The following ANK3 variants were observed in gnomAD, a reference collection of about 807,000 sequenced individuals.
ANK3 encodes the protein ankyrin 3.
A neutral mutation model predicts 370.9 loss-of-function variants in ANK3; 57 were observed. The ratio of observed to expected loss-of-function variants is 0.15; its 90% confidence interval spans 0.12 to 0.19. ANK3 has a LOEUF of 0.19. Among genes scored for constraint, ANK3 ranks in the 10% least tolerant of loss-of-function variants. The pLI, the probability that ANK3 is intolerant of heterozygous loss-of-function variation, is 1.00. For synonymous variants in ANK3, 1,929 were observed against 1,946.3 expected, an observed-to-expected ratio of 0.99 and a Z score of 0.23; for missense variants, 4,439 against 5,302.1, an observed-to-expected ratio of 0.84 and a Z score of 5.06.
rs576830788 is a variant in ANK3 at position 60,035,242 on chromosome 10, A to G, written c.*20-5416T>C. Among the ~76,000 whole-genome samples, 408 of 151,866 alleles carry G rather than the reference A, an allele frequency of 2.7e-3. 1 individual carries two copies. The highest frequency in any genetic ancestry group is 4.1e-3 in the Non-Finnish European group (280 of 67,930). ...GCTTTGTGGCTCTATTTTCTTATTT[A>G]TTTTTTAATTAATTTAGTTCTTTCC... On this transcript the variant is annotated intron_variant, in intron 43 of 43. Transcript: ENST00000280772.
chr10:60,436,710 C>T (rs1200658561), intron 2 of ANK3, among the ~76,000 whole-genome samples: 1 of 152,048 alleles, frequency 6.6e-6, no homozygotes, highest in East Asian at 1.9e-4. Flanking sequence ...GATAAAAGTC[C>T]CTTGACAGAT....
chr10:60,296,227 A>G (rs183296145), intron 1 of ANK3, among the ~76,000 whole-genome samples: 6 of 152,348 alleles, frequency 3.9e-5, no homozygotes, highest in Admixed American at 3.9e-4. Flanking sequence ...ATACTTGAAC[A>G]CTAATACACT....
intron 12 of ANK3, among the ~76,000 whole-genome samples, chr10:60,201,512 C>T (rs192394635): frequency 9.2e-5 from 14 of 152,244 alleles, no homozygotes; most frequent in Admixed American, 7.9e-4. Flanking sequence ...ATGTCAAATG[C>T]CACATGCAGA....
At chr10:60,601,951 C>T (rs552652537) in intron 2 of ANK3, among the ~76,000 whole-genome samples, 9 of 152,142 alleles carry the variant, frequency 5.9e-5, no homozygotes, top group South Asian at 2.1e-4. Flanking sequence ...TGAAGTACAG[C>T]GTATATAGAT....
chr10:60,691,648 T>C (rs2079354838), intron 1 of ANK3, among the ~76,000 whole-genome samples: 1 of 152,174 alleles, frequency 6.6e-6, no homozygotes, highest in Admixed American at 6.5e-5. Flanking sequence ...CCAAAATATA[T>C]GTCTGGATCC....
intron 7 of ANK3, among the ~76,000 whole-genome samples, chr10:60,236,853 C>T (rs151246871): frequency 1.3e-5 from 2 of 152,378 alleles, no homozygotes; most frequent in Admixed American, 6.5e-5. Flanking sequence ...CAAATATATT[C>T]TGCTTTGCAG....
At chr10:60,495,369 C>A (rs1486202725) in intron 2 of ANK3, among the ~76,000 whole-genome samples, 1 of 152,168 alleles carries the variant, frequency 6.6e-6, no homozygotes, top group Non-Finnish European at 1.5e-5. Context: ...CTGGGCTACA[C>A]CTAGACTTAC....
intron 1 of ANK3, among the ~76,000 whole-genome samples, chr10:60,313,339 C>T (rs571171457): frequency 1.3e-5 from 2 of 152,150 alleles, no homozygotes; most frequent in South Asian, 2.1e-4. Flanking sequence ...TTTATGAGAA[C>T]CATGTGAATG....
intron 2 of ANK3, among the ~76,000 whole-genome samples, chr10:60,546,391 T>C (rs1219687399): frequency 6.6e-6 from 1 of 152,218 alleles, no homozygotes; most frequent in African/African-American, 2.4e-5. Context: ...ATAGTTACCA[T>C]GCAATATTAT....
chr10:60,263,699 A>C (rs1259234417), intron 6 of ANK3, 136 bp downstream of exon 6: 1 of 1,019,332 alleles, frequency 9.8e-7, no homozygotes, highest in African/African-American at 1.6e-5. Context: ...TGGCTAGCTC[A>C]GACACACATT....
chr10:60,583,119 T>A (rs1464955254), intron 2 of ANK3, among the ~76,000 whole-genome samples: 3 of 152,206 alleles, frequency 2.0e-5, no homozygotes. Flanking sequence ...TAAGTATCTA[T>A]CAGCAGATAA....
intron 2 of ANK3, among the ~76,000 whole-genome samples, chr10:60,539,737 A>T (rs2076804534): frequency 6.6e-6 from 1 of 151,960 alleles, no homozygotes; most frequent in South Asian, 2.1e-4. Context: ...CCCAAGAGAC[A>T]GCCTCTGCAA....
intron 2 of ANK3, among the ~76,000 whole-genome samples, chr10:60,570,466 G>T (rs1339545456): frequency 6.6e-6 from 1 of 152,156 alleles, no homozygotes; most frequent in Non-Finnish European, 1.5e-5. Context: ...GCACAGAAAT[G>T]CATTCTCAAT....
chr10:60,179,847 A>G (rs979680041), intron 18 of ANK3, among the ~76,000 whole-genome samples: 1 of 152,170 alleles, frequency 6.6e-6, no homozygotes, highest in Non-Finnish European at 1.5e-5. Context: ...ACCTGGCCTT[A>G]AGAATCCTCA....
Position 60,055,745 on chromosome 10 carries a change from C to G in ANK3, c.12978G>C (p.Met4326Ile), listed in dbSNP as rs1406145982. 9.3e-6 allele frequency: 15 copies of G among 1,614,198 alleles called. No individual in the cohort carries two copies. Among genetic ancestry groups the G allele is most frequent in the Non-Finnish European group, 1.3e-5 (15 of 1,180,032 alleles). Residue 4326 changes from methionine (M) to isoleucine (I), a missense_variant, in exon 42 of 44, where the codon ATG becomes ATC. By Grantham distance (10) the Met-to-Ile change is conservative. This residue lies in a region of ANK3 where 242 missense variants were observed against 228.0 expected (regional missense o/e 1.06). Coordinates refer to ENST00000280772, the MANE Select transcript of ANK3 (RefSeq NM_020987.5). The part of the protein sequence containing the change: ...EETKPCVPVS[M>I]KKMSRTSPAD... ...CTGGAGAAGTCCTACTCATCTTTTTCATACTGACAGGCACACAGGGTTTAG... is the reference window on the plus strand; with the variant it reads ...CTGGAGAAGTCCTACTCATCTTTTTGATACTGACAGGCACACAGGGTTTAG...
At chr10:60,068,486 G>T (rs760081399) in intron 37 of ANK3, 151 bp downstream of exon 37, 2 of 809,308 alleles carry the variant, frequency 2.5e-6, no homozygotes, top group Non-Finnish European at 1.9e-6. Context: ...AGATGACAAT[G>T]ACATAATGAG....
intron 1 of ANK3, among the ~76,000 whole-genome samples, chr10:60,640,254 T>C (rs951613034): frequency 6.7e-6 from 1 of 149,806 alleles, no homozygotes; most frequent in Non-Finnish European, 1.5e-5. Flanking sequence ...TTCCAATCAA[T>C]AGAAAAAGAG....
At chr10:60,042,586 G>A (rs1437924058) in intron 43 of ANK3, 86 bp downstream of exon 43, 1 of 1,317,942 alleles carries the variant, frequency 7.6e-7, no homozygotes, top group South Asian at 1.4e-5. Flanking sequence ...GGAAAGGACG[G>A]GGAAAATCAG....
chr10:60,282,668 A>T (rs749116428), intron 1 of ANK3, among the ~76,000 whole-genome samples: 5 of 152,112 alleles, frequency 3.3e-5, no homozygotes, highest in Non-Finnish European at 7.4e-5. Context: ...TATTTCATTC[A>T]ATGACCCTGA....
Sources: gnomAD v4.1 joint callset for allele counts (sites outside exome capture counted in the v4.1 genomes callset) on GRCh38, gnomAD v4.1.1 for gene constraint, gnomAD v4.1.1 regional missense constraint, MANE v1.5 for transcripts, NCBI Gene and HGNC (gene_info 2026-07-23, HGNC 2026-07-21) for gene names.